Variants in UNC13C observed in about 807,000 individuals in gnomAD.
UNC13C encodes the protein unc-13 homolog C.
In UNC13C, 174 loss-of-function variants were observed where a neutral mutation model predicts 245.4. That is an observed-to-expected ratio of 0.71 (90% CI 0.63 to 0.80). UNC13C has a LOEUF of 0.80. Among genes scored for constraint, UNC13C ranks in the 30% least tolerant of loss-of-function variants. UNC13C has a pLI of 0.00. For synonymous variants in UNC13C, 992 were observed against 895.1 expected, an observed-to-expected ratio of 1.11 and a Z score of -1.93; for missense variants, 2,829 against 2,602.9, an observed-to-expected ratio of 1.09 and a Z score of -1.89.
At chr15:54,066,723 T>A (rs568908242) in intron 2 of UNC13C, among the ~76,000 whole-genome samples, 1 of 152,098 alleles carries the variant, frequency 6.6e-6, no homozygotes, top group Non-Finnish European at 1.5e-5. Flanking sequence ...TTTTGAGTAG[T>A]GGAGACCAGA....
intron 2 of UNC13C, among the ~76,000 whole-genome samples, chr15:54,084,609 C>A (rs1285506275): frequency 6.6e-6 from 1 of 151,922 alleles, no homozygotes; most frequent in Non-Finnish European, 1.5e-5. Context: ...TTAGTTTTCT[C>A]GTTAGTAAAT....
At chr15:54,291,795 C>T (rs183413793) in intron 10 of UNC13C, among the ~76,000 whole-genome samples, 2 of 152,002 alleles carry the variant, frequency 1.3e-5, no homozygotes, top group African/African-American at 2.4e-5. Flanking sequence ...TCATAATGAC[C>T]TATTTTATGC....
intron 2 of UNC13C, among the ~76,000 whole-genome samples, chr15:54,077,733 T>C (rs1167566747): frequency 6.6e-6 from 1 of 152,122 alleles, no homozygotes. Context: ...TCTAATTAAA[T>C]TTAATAGCAA....
chr15:54,541,527 A>G (rs1896244138), intron 26 of UNC13C, among the ~76,000 whole-genome samples: 2 of 152,240 alleles, frequency 1.3e-5, no homozygotes, highest in South Asian at 4.1e-4. Flanking sequence ...CTGTGTCTTC[A>G]AATAGGCTGG....
At chr15:54,101,629 G>A (rs565264445) in intron 2 of UNC13C, among the ~76,000 whole-genome samples, 2 of 152,028 alleles carry the variant, frequency 1.3e-5, no homozygotes, top group South Asian at 4.2e-4. Flanking sequence ...TGCCCAGGCA[G>A]GAGTGCAGTG....
rs909559367 is a variant in UNC13C, at chr15:54,137,260, G to A, written c.2984-5758G>A. 2.6e-5 allele frequency among the ~76,000 whole-genome samples: 4 copies of A among 152,100 alleles called. No individual in the cohort carries two copies. In the South Asian group the frequency reaches 6.2e-4, roughly 24 times the overall value. On this transcript the variant is annotated intron_variant, in intron 2 of 32. Transcript: ENST00000260323. ...ATTGAATTTGGTTTGTTAGCATTTTGTTGAAGACTTTTTTGCATCTATGTT... is the reference window on the plus strand; with the variant it reads ...ATTGAATTTGGTTTGTTAGCATTTTATTGAAGACTTTTTTGCATCTATGTT...
intron 13 of UNC13C, among the ~76,000 whole-genome samples, chr15:54,308,029 G>C (rs1475926042): frequency 1.3e-5 from 2 of 151,826 alleles, no homozygotes; most frequent in South Asian, 2.1e-4. Flanking sequence ...CTCTGAAATT[G>C]CTTGCAACAA....
chr15:54,021,897 ATGT>A, intron 2 of UNC13C, among the ~76,000 whole-genome samples: 1 of 152,320 alleles, frequency 6.6e-6, no homozygotes, highest in African/African-American at 2.4e-5. Flanking sequence ...CATGCTCTAT[ATGT>A]TAAATTGTAA....
chr15:54,631,494 A>G (rs1325968671), downstream of UNC13C: 2 of 152,174 alleles, frequency 1.3e-5, no homozygotes, highest in African/African-American at 2.4e-5. Flanking sequence ...CCACGTTACC[A>G]CTTTATAGAC....
At chr15:54,605,346 T>TC (rs145914754) in intron 30 of UNC13C, among the ~76,000 whole-genome samples, 2,285 of 152,300 alleles carry the variant, frequency 0.015, 46 homozygotes, top group African/African-American at 0.052. Context: ...GAGGTGCTCT[T>TC]CCTGTGTGCT....
intron 19 of UNC13C, among the ~76,000 whole-genome samples, chr15:54,430,784 T>G (rs892661169): frequency 1.3e-5 from 2 of 151,744 alleles, no homozygotes; most frequent in Admixed American, 1.3e-4. Flanking sequence ...ATGAGCTTTC[T>G]GGGAAATGGA....
chr15:54,232,375 A>G (rs1338123845), intron 4 of UNC13C, among the ~76,000 whole-genome samples: 1 of 152,130 alleles, frequency 6.6e-6, no homozygotes, highest in Non-Finnish European at 1.5e-5. Flanking sequence ...TGCAGTGCTC[A>G]TATTTGTCCT....
At chr15:54,339,640 G>GATATATATATATATATATATATAT (rs61353129) in intron 17 of UNC13C, among the ~76,000 whole-genome samples, 19 of 149,580 alleles carry the variant, frequency 1.3e-4, no homozygotes, top group African/African-American at 4.8e-4. Flanking sequence ...ATTATGTGGA[G>GATATATATATATATATATATATAT]ATATATATAT....
intron 2 of UNC13C, among the ~76,000 whole-genome samples, chr15:54,055,095 G>C (rs958050395): frequency 1.3e-5 from 2 of 152,102 alleles, no homozygotes; most frequent in Non-Finnish European, 2.9e-5. Flanking sequence ...TATATTACAA[G>C]ATTTTCTCTG....
At chr15:54,017,452 A>G (rs1400797009) in intron 2 of UNC13C, among the ~76,000 whole-genome samples, 1 of 151,970 alleles carries the variant, frequency 6.6e-6, no homozygotes, top group African/African-American at 2.4e-5. Flanking sequence ...GAGTTTACTC[A>G]AAGGCAAATG....
chr15:53,845,804 T>C, the UNC13C span, among the ~76,000 whole-genome samples: 2 of 152,166 alleles, frequency 1.3e-5, no homozygotes, highest in Non-Finnish European at 2.9e-5. Context: ...ATGAGACATG[T>C]TTGAACTGTG....
intron 4 of UNC13C, among the ~76,000 whole-genome samples, chr15:54,175,222 G>A (rs2033566250): frequency 6.6e-6 from 1 of 152,082 alleles, no homozygotes; most frequent in South Asian, 2.1e-4. Flanking sequence ...TTTTCTTTAT[G>A]TAGGATTCCA....
intron 2 of UNC13C, among the ~76,000 whole-genome samples, chr15:54,070,509 A>G (rs901637702): frequency 2.6e-5 from 4 of 152,174 alleles, no homozygotes; most frequent in African/African-American, 9.7e-5. Context: ...GTTACAGCCC[A>G]TCAGTCAGAT....
intron 11 of UNC13C, among the ~76,000 whole-genome samples, chr15:54,296,380 T>TA (rs2037433225): frequency 1.2e-5 from 1 of 83,598 alleles, no homozygotes; most frequent in African/African-American, 9.1e-5. Context: ...TTTTTTTTTT[T>TA]TTATTTTTTT....
Sources: allele counts gnomAD v4.1 joint callset (sites outside exome capture counted in the v4.1 genomes callset), GRCh38; gene constraint gnomAD v4.1.1; transcripts MANE v1.5; gene names NCBI Gene and HGNC (gene_info 2026-07-23, HGNC 2026-07-21).